Variants in HOMER1 observed in about 807,000 individuals in gnomAD.
The protein encoded by HOMER1 is homer scaffold protein 1.
In HOMER1, 3 loss-of-function variants were observed where a neutral mutation model predicts 48.9. The observed-to-expected ratio is 0.06, with a 90% CI of 0.03 to 0.16. The LOEUF (loss-of-function observed/expected upper bound fraction) is 0.16. HOMER1 is among the 10% of genes least tolerant of loss of function. The pLI, the probability that HOMER1 is intolerant of heterozygous loss-of-function variation, is 1.00. For missense variants in HOMER1, 247 were observed against 411.4 expected (o/e 0.60, Z 3.46); for synonymous variants, 134 against 146.4 (o/e 0.92, Z 0.61).
At chr5:79,410,254 G>A (rs934232372) in intron 5 of HOMER1, among the ~76,000 whole-genome samples, 11 of 151,978 alleles carry the variant, frequency 7.2e-5, no homozygotes, top group Admixed American at 6.5e-4. Flanking sequence ...CACTTTGGGA[G>A]GCCGAGGCGG....
chr5:79,416,715 CAAGGGT>C (rs1191817748), intron 5 of HOMER1, among the ~76,000 whole-genome samples: 2 of 152,186 alleles, frequency 1.3e-5, no homozygotes, highest in Non-Finnish European at 2.9e-5. Context: ...AATGGAAATA[CAAGGGT>C]GAAGAGCCAC....
intron 1 of HOMER1, among the ~76,000 whole-genome samples, chr5:79,495,369 ATTTG>A (rs1246920114): frequency 6.6e-6 from 1 of 152,112 alleles, no homozygotes; most frequent in Non-Finnish European, 1.5e-5. Flanking sequence ...CCCAACTCTT[ATTTG>A]TTTGTTAAGG....
At chr5:79,502,971 A>C (rs187174820) in intron 1 of HOMER1, among the ~76,000 whole-genome samples, 28 of 144,424 alleles carry the variant, frequency 1.9e-4, no homozygotes, top group Non-Finnish European at 2.9e-4. Flanking sequence ...TTTGTATTTT[A>C]AGTAGAGACA....
chr5:79,475,161 C>T (rs941514174), intron 1 of HOMER1, among the ~76,000 whole-genome samples: 5 of 152,166 alleles, frequency 3.3e-5, no homozygotes, highest in South Asian at 2.1e-4. Context: ...ACTGAACTCT[C>T]AGCCTTTATG....
chr5:79,478,344 T>A (rs1751844085), intron 1 of HOMER1, among the ~76,000 whole-genome samples: 1 of 152,144 alleles, frequency 6.6e-6, no homozygotes, highest in African/African-American at 2.4e-5. Flanking sequence ...AATTGGCCAA[T>A]GAAAATTTTG....
chr5:79,512,636 C>CT, intron 1 of HOMER1, 134 bp downstream of exon 1: 1 of 795,650 alleles, frequency 1.3e-6, no homozygotes, highest in Non-Finnish European at 2.1e-6. Flanking sequence ...GTTAGCATGC[C>CT]TATTTCTTTA....
Position 79,427,696 on chromosome 5 carries a change from TTTCCTTCCTTCCTTTCCTTCCC to T in HOMER1, c.527+11292_527+11313del, listed in dbSNP as rs1397151291. Among the ~76,000 whole-genome samples the T allele has an allele frequency of 2.3e-3, 104 of 45,978 alleles. 1 individual carries two copies. The highest frequency in any genetic ancestry group is 0.02 in the African/African-American group (102 of 5,056). 30.2% of individuals were successfully genotyped at this position (45,978 alleles called of 152,430 possible). A position where few individuals can be genotyped will look rare whatever the true frequency, so the allele number is the denominator to read the frequency against. On this transcript the variant is annotated intron_variant, in intron 5 of 8. Transcript: ENST00000334082. ...TCCCTTCCTTCCTTCCCTTCCTTCCTTTCCTTCCTTCCTTTCCTTCCCTTCCTTCCTTCCCTTCCTTCCTTTC... is the reference window on the plus strand; with the variant it reads ...TCCCTTCCTTCCTTCCCTTCCTTCCTTTCCTTCCTTCCCTTCCTTCCTTTC...
chr5:79,428,809 G>A (rs1750343020), intron 5 of HOMER1, among the ~76,000 whole-genome samples: 1 of 152,124 alleles, frequency 6.6e-6, no homozygotes, highest in African/African-American at 2.4e-5. Flanking sequence ...AACAGCTCAA[G>A]TTCATAGATC....
rs562869943 is a variant in HOMER1, at chr5:79,424,013, G to A, written c.527+14997C>T. On this transcript the variant is annotated intron_variant, in intron 5 of 8. Transcript: ENST00000334082. ...ATTATTTTCTCTTGAATTTTATTAG[G>A]TTCAGAACACATTCTATAAACTAGT... is the stretch of plus-strand genomic sequence containing the variant. 4.6e-5 allele frequency among the ~76,000 whole-genome samples: 7 copies of A among 152,018 alleles called. No homozygotes were observed. In the East Asian group the frequency reaches 1.4e-3, roughly 29 times the overall value.
At chr5:79,409,508 G>C (rs527880518) in intron 5 of HOMER1, among the ~76,000 whole-genome samples, 1 of 150,952 alleles carries the variant, frequency 6.6e-6, no homozygotes, top group East Asian at 1.9e-4. Context: ...AAAAAGCACA[G>C]GCAACAAAAG....
At chr5:79,452,706 CAG>C (rs1465074675) in intron 2 of HOMER1, among the ~76,000 whole-genome samples, 1 of 151,824 alleles carries the variant, frequency 6.6e-6, no homozygotes, top group Admixed American at 6.6e-5. Flanking sequence ...ACCAGTAAAA[CAG>C]AGTGGTCCCT....
chr5:79,430,952 A>C (rs1750406682), intron 5 of HOMER1, among the ~76,000 whole-genome samples: 1 of 152,104 alleles, frequency 6.6e-6, no homozygotes, highest in Admixed American at 6.6e-5. Flanking sequence ...AAAATAAATA[A>C]AACATGGTAT....
intron 1 of HOMER1, among the ~76,000 whole-genome samples, chr5:79,494,703 T>C (rs1361198583): frequency 6.6e-6 from 1 of 152,184 alleles, no homozygotes; most frequent in Non-Finnish European, 1.5e-5. Context: ...ACTCTATCCC[T>C]ACTAAAAATA....
intron 8 of HOMER1, among the ~76,000 whole-genome samples, chr5:79,385,844 A>T (rs1405093016): frequency 4.7e-5 from 1 of 21,104 alleles, no homozygotes; most frequent in African/African-American, 1.5e-4. Context: ...CTCTGTCTCA[A>T]AAAAAAAAAA....
chr5:79,434,073 T>C (rs1311511125), intron 5 of HOMER1, among the ~76,000 whole-genome samples: 1 of 152,134 alleles, frequency 6.6e-6, no homozygotes, highest in Non-Finnish European at 1.5e-5. Context: ...CCATTTTCTA[T>C]CAAGGTAATC....
At chr5:79,399,957 T>G (rs116549953) in intron 6 of HOMER1, among the ~76,000 whole-genome samples, 1 of 152,116 alleles carries the variant, frequency 6.6e-6, no homozygotes, top group Non-Finnish European at 1.5e-5. Flanking sequence ...TAAATAAATA[T>G]ATTATGTTTC....
chr5:79,391,726 G>T (rs1182196348), intron 8 of HOMER1, among the ~76,000 whole-genome samples: 3 of 150,840 alleles, frequency 2.0e-5, no homozygotes, highest in Non-Finnish European at 4.4e-5. Flanking sequence ...CTGGGCAACA[G>T]AGTGAGACTC....
chr5:79,483,776 C>G (rs951374471), intron 1 of HOMER1, among the ~76,000 whole-genome samples: 2 of 147,422 alleles, frequency 1.4e-5, no homozygotes, highest in Non-Finnish European at 3.0e-5. Context: ...AAAAAGTGGC[C>G]GGGTGTGGTG....
rs781650763 is a variant in HOMER1 at position 79,376,107 on chromosome 5, G to A, written c.967C>T (p.Arg323Cys). The change falls in exon 9 of 9, where the codon CGC (arginine) becomes TGC (cysteine). Residue 323 changes from arginine to cysteine, a missense_variant. Transcript: ENST00000334082. ...TCTAAGAGTGTCTTCAGGTTATTGC[G>A]AAAAGCTTCTTGTTCATTCTGACTT... ...EKSQNEQEAF[R>C]NNLKTLLEIL... 1.2e-5 allele frequency: 20 copies of A among 1,613,212 alleles called. No individual in the cohort carries two copies. The highest frequency in any genetic ancestry group is 4.4e-5 in the South Asian group (4 of 91,014).
Sources: allele counts gnomAD v4.1 joint callset (sites outside exome capture counted in the v4.1 genomes callset), GRCh38; gene constraint gnomAD v4.1.1; transcripts MANE v1.5; gene names NCBI Gene and HGNC (gene_info 2026-07-23, HGNC 2026-07-21).